RASA3: variants seen among roughly 807,000 people sequenced by gnomAD.
RASA3 encodes the protein ras GTPase-activating protein 3.
Under a neutral mutation model 110.0 loss-of-function variants are expected in RASA3, and 73 were observed. That is an observed-to-expected ratio of 0.66 (90% CI 0.55 to 0.81). RASA3 has a LOEUF of 0.81. Ranked by LOEUF, RASA3 falls within the 30% of genes least tolerant of loss-of-function variation. The pLI, the probability that RASA3 is intolerant of heterozygous loss-of-function variation, is 0.00. For missense variants in RASA3, 976 were observed against 1,113.2 expected (o/e 0.88, Z 1.75); for synonymous variants, 500 against 451.4 (o/e 1.11, Z -1.37).
At chr13:114,023,733 G>A (rs938160243) in intron 8 of RASA3, among the ~76,000 whole-genome samples, 14 of 152,258 alleles carry the variant, frequency 9.2e-5, no homozygotes, top group Admixed American at 9.2e-4. Flanking sequence ...AGCCAGGAAA[G>A]GGCGGTGGGG....
At chr13:114,043,820 C>T (rs1216932100) in intron 3 of RASA3, among the ~76,000 whole-genome samples, 5 of 149,794 alleles carry the variant, frequency 3.3e-5, no homozygotes, top group Admixed American at 2.7e-4. Context: ...CTCCGCCTGG[C>T]CCACCTCACT....
rs1194835316 is a variant in RASA3, at chr13:114,018,124, G to T, written c.1071C>A (p.Ser357Arg). 6.5e-7 allele frequency: 1 copy of T among 1,548,004 alleles called. No homozygotes were observed. Among genetic ancestry groups the T allele is most frequent in the Admixed American group, 2.0e-5 (1 of 50,836 alleles). ...CTCACTGGGTCCGCTTCACCTCCGC[G>T]CTGGCGATGGCACTGATGAATGGCA... ...RVVPFISAIA[S>R]AEVKRTQDPN... Residue 357 changes from serine to arginine, a missense_variant, in exon 11 of 24, where the codon AGC becomes AGA. Transcript: ENST00000334062.
At chr13:114,127,905 G>GATA (rs973739738) in intron 1 of RASA3, among the ~76,000 whole-genome samples, 77 of 152,104 alleles carry the variant, frequency 5.1e-4, no homozygotes, top group African/African-American at 1.8e-3. Context: ...GATAAAATGA[G>GATA]ATAATACATG....
intron 3 of RASA3, among the ~76,000 whole-genome samples, chr13:114,043,167 C>T (rs549883502): frequency 6.6e-6 from 1 of 152,318 alleles, no homozygotes; most frequent in South Asian, 2.1e-4. Context: ...AGCTCAGCAC[C>T]AGCTCCAGAC....
intron 1 of RASA3, among the ~76,000 whole-genome samples, chr13:114,077,279 A>C (rs2079700484): frequency 6.6e-6 from 1 of 151,978 alleles, no homozygotes. Flanking sequence ...CCAACACACC[A>C]GATTCATCCC....
intron 21 of RASA3, among the ~76,000 whole-genome samples, chr13:113,995,793 GTCCGGCTGATGGGGGT>G (rs2053229928): frequency 4.6e-5 from 2 of 43,754 alleles, no homozygotes; most frequent in East Asian, 8.5e-4. Context: ...CTGACGGGGG[GTCCGGCTGATGGGGGT>G]CCGGCTGACG....
intron 1 of RASA3, among the ~76,000 whole-genome samples, chr13:114,123,521 TATCGCGCCCA>T (rs2080406647): frequency 6.6e-6 from 1 of 152,242 alleles, no homozygotes; most frequent in Non-Finnish European, 1.5e-5. Context: ...AGCCTGGGTC[TATCGCGCCCA>T]GTTCAGACCC....
chr13:114,015,006 G>A (rs889196358), intron 14 of RASA3, among the ~76,000 whole-genome samples: 5 of 152,108 alleles, frequency 3.3e-5, no homozygotes, highest in East Asian at 1.9e-4. Flanking sequence ...CCAGGGCTGG[G>A]GTCCCCCAGA....
intron 2 of RASA3, among the ~76,000 whole-genome samples, chr13:114,073,084 G>A (rs150519619): frequency 0.014 from 2,081 of 150,724 alleles, 37 homozygotes; most frequent in African/African-American, 0.048. Flanking sequence ...GGGAAAATGG[G>A]ACAGTGATGT....
chr13:114,001,021 G>T, intron 18 of RASA3, 89 bp from the exon 19 acceptor site: 1 of 810,562 alleles, frequency 1.2e-6, no homozygotes. Flanking sequence ...TCTGCGTTCT[G>T]AGACCTGAGG....
chr13:114,043,839 CCCCCG>C (rs2078986300), intron 3 of RASA3, among the ~76,000 whole-genome samples: 1 of 73,152 alleles, frequency 1.4e-5, no homozygotes, highest in Admixed American at 1.4e-4. Context: ...CTCGCTGAGC[CCCCCG>C]CCCCGCCTCA....
intron 4 of RASA3, among the ~76,000 whole-genome samples, chr13:114,032,643 A>G (rs2054190553): frequency 6.7e-6 from 1 of 148,364 alleles, no homozygotes; most frequent in Admixed American, 6.7e-5. Flanking sequence ...ACTTGATACT[A>G]TGCCCCACGG....
At chr13:114,079,599 G>A (rs1243681726) in intron 1 of RASA3, among the ~76,000 whole-genome samples, 2 of 152,234 alleles carry the variant, frequency 1.3e-5, no homozygotes, top group Non-Finnish European at 2.9e-5. Context: ...TAGAAGCCTG[G>A]AACAGCGATC....
In RASA3 at chr13:114,122,140, C is replaced by T. The variant is rs540521832; in HGVS notation, c.55+10295G>A. On this transcript the variant is annotated intron_variant, in intron 1 of 23. Coordinates refer to ENST00000334062, the MANE Select transcript of RASA3 (RefSeq NM_007368.4). ...CCCTTCCAGGCTGCGCAGCCGGCCA[C>T]GGCGGCAGAGCTTCCCCAGGCTGCT... 8.5e-5 allele frequency among the ~76,000 whole-genome samples: 13 copies of T among 152,354 alleles called. No individual in the cohort carries two copies. In the South Asian group the frequency reaches 2.3e-3, roughly 27 times the overall value.
intron 16 of RASA3, among the ~76,000 whole-genome samples, chr13:114,010,146 C>T (rs1206060487): frequency 3.3e-5 from 5 of 152,172 alleles, no homozygotes; most frequent in East Asian, 3.9e-4. Context: ...GGCCTGCCTG[C>T]GAGTGTGGCA....
chr13:114,073,902 G>T, intron 1 of RASA3, 65 bp from the exon 2 acceptor site: 1 of 1,355,960 alleles, frequency 7.4e-7, no homozygotes, highest in South Asian at 1.2e-5. Context: ...CTACATCGCA[G>T]ACACGTTTCC....
intron 4 of RASA3, among the ~76,000 whole-genome samples, chr13:114,039,201 C>T (rs60792869): frequency 0.1 from 15,850 of 152,102 alleles, 1,143 homozygotes; most frequent in African/African-American, 0.18. Flanking sequence ...ATCCCAGGGC[C>T]GCTGTGCTGC....
Position 114,021,000 on chromosome 13 carries a change from C to A in RASA3, c.785+404G>T, listed in dbSNP as rs568652877. 5.7e-4 allele frequency among the ~76,000 whole-genome samples: 87 copies of A among 151,828 alleles called. 2 individuals are homozygous for A. Among genetic ancestry groups the A allele is most frequent in the African/African-American group, 2.1e-3 (85 of 41,406 alleles). On this transcript the variant is annotated intron_variant, in intron 9 of 23. Coordinates refer to ENST00000334062, the MANE Select transcript of RASA3 (RefSeq NM_007368.4). ...CGCTTTCACCCAGGATCAGACCCCA[C>A]GAGCTGCTCACAGCTCAGGGTCCCA...
chr13:114,047,580 G>C (rs960962020), intron 3 of RASA3, among the ~76,000 whole-genome samples: 5 of 152,218 alleles, frequency 3.3e-5, no homozygotes, highest in African/African-American at 1.2e-4. Context: ...CAGAAACATT[G>C]TCCACACAAA....
Sources: allele counts gnomAD v4.1 joint callset (sites outside exome capture counted in the v4.1 genomes callset), GRCh38; gene constraint gnomAD v4.1.1; transcripts MANE v1.5; gene names NCBI Gene and HGNC (gene_info 2026-07-23, HGNC 2026-07-21).